Variants in HDHD5 observed in about 807,000 individuals in gnomAD.
HDHD5 encodes the protein haloacid dehalogenase like hydrolase domain containing 5.
Under a neutral mutation model 35.5 loss-of-function variants are expected in HDHD5, and 34 were observed. That is an observed-to-expected ratio of 0.96 (90% CI 0.73 to 1.28). The LOEUF is 1.28. HDHD5 is among the 50% of genes most tolerant of loss of function. The probability of loss-of-function intolerance (pLI) is 0.00; values close to 1 mark genes in which losing one functional copy is unlikely to be tolerated. For synonymous variants in HDHD5, 248 were observed against 240.6 expected, an observed-to-expected ratio of 1.03 and a Z score of -0.29; for missense variants, 589 against 560.2, an observed-to-expected ratio of 1.05 and a Z score of -0.52.
chr22:17,164,847 G>A (rs2123888999), intron 1 of HDHD5, among the ~76,000 whole-genome samples: 1 of 152,318 alleles, frequency 6.6e-6, no homozygotes, highest in Admixed American at 6.5e-5. Context: ...CCAGTAGGAG[G>A]CAGACGAAAG....
At chr22:17,141,378 A>G in intron 5 of HDHD5, 145 bp from the exon 6 acceptor site, 7 of 1,403,778 alleles carry the variant, frequency 5.0e-6, no homozygotes, top group Non-Finnish European at 6.4e-6. Flanking sequence ...CAACAAGCCC[A>G]GTAGAGCCCC....
At chr22:17,144,871 T>G (rs1452316560) in intron 4 of HDHD5, among the ~76,000 whole-genome samples, 153 bp downstream of exon 4, 1 of 151,934 alleles carries the variant, frequency 6.6e-6, no homozygotes, top group Admixed American at 6.6e-5. Context: ...TCTCATAAAT[T>G]CAGGGAACAA....
intron 4 of HDHD5, 163 bp from the exon 5 acceptor site, chr22:17,143,294 A>G: frequency 1.5e-6 from 1 of 660,422 alleles, no homozygotes; most frequent in Non-Finnish European, 2.4e-6. Flanking sequence ...GGACTGAGAA[A>G]GATGCAAGAA....
intron 1 of HDHD5, among the ~76,000 whole-genome samples, chr22:17,151,756 G>T (rs1403988793): frequency 2.1e-5 from 3 of 142,868 alleles, no homozygotes; most frequent in Non-Finnish European, 4.6e-5. Context: ...AAAAAAAGAA[G>T]AAGAAAGAAA....
intron 1 of HDHD5, among the ~76,000 whole-genome samples, chr22:17,157,271 CTTTT>C (rs372356199): frequency 7.3e-6 from 1 of 136,684 alleles, no homozygotes. Context: ...GGTTAATTTT[CTTTT>C]TTTTTTTTTT....
chr22:17,146,596 C>T (rs1601388144), intron 3 of HDHD5, among the ~76,000 whole-genome samples: 1 of 41,208 alleles, frequency 2.4e-5, no homozygotes, highest in Admixed American at 2.4e-4. Context: ...CCATCGCACA[C>T]GCTCCACACC....
chr22:17,151,108 C>T (rs2061720064), intron 1 of HDHD5, among the ~76,000 whole-genome samples: 1 of 152,180 alleles, frequency 6.6e-6, no homozygotes, highest in African/African-American at 2.4e-5. Flanking sequence ...TGTTCAAAAA[C>T]ATGTCCACTG....
chr22:17,147,561 C>A (rs868173561), intron 3 of HDHD5, among the ~76,000 whole-genome samples: 154 of 143,068 alleles, frequency 1.1e-3, no homozygotes, highest in Non-Finnish European at 1.5e-3. Flanking sequence ...GCTTACCGGC[C>A]TTCGATCACA....
intron 1 of HDHD5, 171 bp downstream of exon 1, chr22:17,158,955 A>C: frequency 1.9e-6 from 1 of 531,518 alleles, no homozygotes; most frequent in South Asian, 9.6e-5. Flanking sequence ...AGAGGAAGGC[A>C]GGGCGCATCC....
At chr22:17,147,820 C>G (rs532856634) in intron 3 of HDHD5, among the ~76,000 whole-genome samples, 1 of 151,176 alleles carries the variant, frequency 6.6e-6, no homozygotes, top group African/African-American at 2.4e-5. Flanking sequence ...TTCGATCACA[C>G]GCCATCGCAC....
chr22:17,159,550 C>T (rs114024499), upstream of HDHD5: 350 of 449,520 alleles, frequency 7.8e-4, no homozygotes, highest in African/African-American at 6.0e-3. Flanking sequence ...CTGCGGATCC[C>T]GGTAACATTG....
intron 1 of HDHD5, among the ~76,000 whole-genome samples, chr22:17,155,482 T>C (rs2061779353): frequency 6.6e-6 from 1 of 152,108 alleles, no homozygotes; most frequent in East Asian, 1.9e-4. Flanking sequence ...CCTGACCTCG[T>C]GATCCGCCCG....
chr22:17,163,911 G>C (rs778823751), upstream of HDHD5, among the ~76,000 whole-genome samples: 3 of 152,160 alleles, frequency 2.0e-5, no homozygotes, highest in South Asian at 4.1e-4. Context: ...CCTTGCACAT[G>C]ATGGGTGCTC....
chr22:17,156,634 G>A (rs2061794979), intron 1 of HDHD5, among the ~76,000 whole-genome samples: 1 of 152,150 alleles, frequency 6.6e-6, no homozygotes, highest in Non-Finnish European at 1.5e-5. Context: ...AAATTAGCCA[G>A]GCGTGGTGGC....
intron 3 of HDHD5, among the ~76,000 whole-genome samples, chr22:17,147,681 A>C (rs71326300): frequency 1.4e-3 from 101 of 71,040 alleles, no homozygotes; most frequent in Admixed American, 2.3e-3. Context: ...GTGAGCTCAC[A>C]GGCCTTCGAT....
At chr22:17,159,367 A>G (rs1416588629), upstream of HDHD5, 1 of 1,170,972 alleles carries the variant, frequency 8.5e-7, no homozygotes, top group Non-Finnish European at 1.1e-6. Flanking sequence ...GTAGTCCTGT[A>G]AGCGCGCGGA....
At chr22:17,155,766 C>G (rs1021881373) in intron 1 of HDHD5, among the ~76,000 whole-genome samples, 2 of 152,134 alleles carry the variant, frequency 1.3e-5, no homozygotes, top group Non-Finnish European at 2.9e-5. Flanking sequence ...GATGGTAATA[C>G]AGTCACGCAC....
intron 1 of HDHD5, among the ~76,000 whole-genome samples, chr22:17,156,828 C>A (rs946931787): frequency 2.0e-5 from 3 of 150,858 alleles, no homozygotes; most frequent in Non-Finnish European, 4.4e-5. Flanking sequence ...GCTTCTAATC[C>A]CAATACTTTG....
chr22:17,160,860 C>A (rs2061858765), upstream of HDHD5, among the ~76,000 whole-genome samples: 1 of 152,004 alleles, frequency 6.6e-6, no homozygotes, highest in Middle Eastern at 3.2e-3. Flanking sequence ...TGTTCCTAAT[C>A]CCTTCCTTCT....
Sources: allele counts gnomAD v4.1 joint callset (sites outside exome capture counted in the v4.1 genomes callset), GRCh38; gene constraint gnomAD v4.1.1; transcripts MANE v1.5; gene names NCBI Gene and HGNC (gene_info 2026-07-23, HGNC 2026-07-21).